PAICS: variants seen among roughly 807,000 people sequenced by gnomAD.
PAICS encodes the protein bifunctional phosphoribosylaminoimidazole carboxylase/phosphoribosylaminoimidazole succinocarboxamide synthetase.
Under a neutral mutation model 53.7 loss-of-function variants are expected in PAICS, and 33 were observed. That is an observed-to-expected ratio of 0.61 (90% CI 0.47 to 0.82). PAICS has a LOEUF of 0.82. Among genes scored for constraint, PAICS ranks in the 40% least tolerant of loss-of-function variants. The pLI is 0.00. For missense variants in PAICS, 394 were observed against 494.1 expected (o/e 0.80, Z 1.92); for synonymous variants, 141 against 167.2 (o/e 0.84, Z 1.21).
the PAICS span, among the ~76,000 whole-genome samples, chr4:56,424,668 G>A: frequency 8.5e-5 from 13 of 152,320 alleles, no homozygotes; most frequent in African/African-American, 3.1e-4. Context: ...ATAAGCGAGA[G>A]AGGATAAAAG....
Position 56,448,481 on chromosome 4 carries a change from G to T in PAICS, c.457G>T (p.Ala153Ser). 3 of 1,612,640 alleles carry T rather than the reference G, an allele frequency of 1.9e-6. No homozygotes were observed. Among genetic ancestry groups the T allele is most frequent in the Non-Finnish European group, 1.7e-6 (2 of 1,178,958 alleles). Residue 153 changes from alanine (A) to serine (S), a missense_variant, in exon 4 of 9, where the codon GCT becomes TCT. Around this residue, in one of 3 missense-constraint regions of PAICS, gnomAD observed 168 missense variants for 199.3 expected, o/e 0.84. Transcript: ENST00000512576. ...GCTGATTGCTGCAAAATTTTGCTTTGCTGGACTTCTTATAGGCCAGACTGA... is the reference window on the plus strand; with the variant it reads ...GCTGATTGCTGCAAAATTTTGCTTTTCTGGACTTCTTATAGGCCAGACTGA... The part of the protein sequence containing the change: ...EQLIAAKFCF[A>S]GLLIGQTEVD...
chr4:56,442,115 C>G (rs61580407), intron 2 of PAICS: 13,336 of 362,738 alleles, frequency 0.037, 669 homozygotes, highest in East Asian at 0.22. Context: ...CTCTGTGCAG[C>G]TTACCTCTCC....
the PAICS span, among the ~76,000 whole-genome samples, chr4:56,419,456 G>A: frequency 1.1e-4 from 16 of 152,270 alleles, no homozygotes; most frequent in East Asian, 3.1e-3. Flanking sequence ...TTTAGGTTCT[G>A]TATTTTGTTT....
the PAICS span, among the ~76,000 whole-genome samples, chr4:56,413,162 T>C: frequency 5.9e-5 from 9 of 152,204 alleles, no homozygotes; most frequent in East Asian, 1.4e-3. Flanking sequence ...TTTTTGGTTT[T>C]GTTTTGTTTT....
chr4:56,435,994 AGT>A, upstream of PAICS: 3 of 1,526,038 alleles, frequency 2.0e-6, no homozygotes, highest in Non-Finnish European at 2.7e-6. Flanking sequence ...GCTTCCGCAG[AGT>A]GGGGAGGGGC....
the PAICS span, among the ~76,000 whole-genome samples, chr4:56,414,624 A>G: frequency 6.6e-6 from 1 of 152,250 alleles, no homozygotes; most frequent in Non-Finnish European, 1.5e-5. Flanking sequence ...AACTTAAGAA[A>G]AAATTATCTG....
upstream of PAICS, chr4:56,431,634 A>G (rs1188114647): frequency 2.6e-6 from 1 of 392,028 alleles, no homozygotes; most frequent in East Asian, 1.6e-4. Flanking sequence ...AATTCATTGA[A>G]TGGAAGGGCA....
chr4:56,457,458 G>T (rs964651571), intron 8 of PAICS, among the ~76,000 whole-genome samples: 47 of 152,064 alleles, frequency 3.1e-4, no homozygotes, highest in Admixed American at 3.0e-3. Flanking sequence ...GCTTTAAAGA[G>T]GCAGTTACTC....
intron 5 of PAICS, 94 bp downstream of exon 5, chr4:56,448,917 T>C: frequency 1.5e-6 from 1 of 685,458 alleles, no homozygotes; most frequent in Non-Finnish European, 2.6e-6. Context: ...TTATTGTTCC[T>C]AATGATATGA....
chr4:56,435,957 C>T (rs759252229), upstream of PAICS: 3 of 1,511,388 alleles, frequency 2.0e-6, no homozygotes, highest in African/African-American at 4.1e-5. Flanking sequence ...GTCGCTCCCG[C>T]AGCCGAGAAG....
At chr4:56,435,623 C>G, upstream of PAICS, 6 of 1,468,892 alleles carry the variant, frequency 4.1e-6, no homozygotes, top group Non-Finnish European at 5.5e-6. Context: ...ACTGCGGCGG[C>G]GCGCGCTGTC....
chr4:56,444,126 G>C (rs1039013555), intron 2 of PAICS, among the ~76,000 whole-genome samples: 1 of 151,858 alleles, frequency 6.6e-6, no homozygotes, highest in Non-Finnish European at 1.5e-5. Flanking sequence ...TTACAACCTG[G>C]GTTGTGTTCC....
the PAICS span, among the ~76,000 whole-genome samples, chr4:56,430,542 C>T: frequency 6.6e-6 from 1 of 152,046 alleles, no homozygotes; most frequent in Non-Finnish European, 1.5e-5. Context: ...AGCTTCTGCT[C>T]AACAAATACA....
chr4:56,419,529 G>A, the PAICS span: 1 of 313,266 alleles, frequency 3.2e-6, no homozygotes, highest in Non-Finnish European at 4.6e-6. Context: ...GGAGGAAACT[G>A]CTTTCTTTAA....
At chr4:56,454,649 T>C (rs1719096827) in intron 8 of PAICS, among the ~76,000 whole-genome samples, 1 of 152,168 alleles carries the variant, frequency 6.6e-6, no homozygotes, top group African/African-American at 2.4e-5. Context: ...ATTTTTTCAA[T>C]AGAATTTTCT....
At chr4:56,431,370 T>G, upstream of PAICS, 4 of 846,800 alleles carry the variant, frequency 4.7e-6, no homozygotes, top group Non-Finnish European at 5.7e-6. Context: ...AGTGCATCTC[T>G]CATTCTCACA....
chr4:56,445,201 C>T (rs1294134299), intron 2 of PAICS, among the ~76,000 whole-genome samples: 4 of 152,090 alleles, frequency 2.6e-5, no homozygotes, highest in Non-Finnish European at 4.4e-5. Context: ...TTGGACAGTG[C>T]GTTTCAAGTC....
upstream of PAICS, chr4:56,435,326 C>T: frequency 6.2e-7 from 1 of 1,612,752 alleles, no homozygotes; most frequent in Non-Finnish European, 8.5e-7. Context: ...CGCACGCCCC[C>T]GCCACCCCCA....
the PAICS span, chr4:56,429,028 G>C: frequency 1.2e-6 from 1 of 840,208 alleles, no homozygotes; most frequent in Non-Finnish European, 1.4e-6. Context: ...GAAATAACAA[G>C]TTCTTCCACA....
Sources: allele counts gnomAD v4.1 joint callset (sites outside exome capture counted in the v4.1 genomes callset), GRCh38; gene constraint gnomAD v4.1.1; regional missense constraint gnomAD v4.1.1; transcripts MANE v1.5; gene names NCBI Gene and HGNC (gene_info 2026-07-23, HGNC 2026-07-21).